The following HDGF variants were observed in gnomAD, a reference collection of about 807,000 sequenced individuals.
The protein encoded by HDGF is hepatoma-derived growth factor.
A neutral mutation model predicts 30.0 loss-of-function variants in HDGF; 5 were observed. The ratio of observed to expected loss-of-function variants is 0.17; its 90% CI spans 0.09 to 0.35. The LOEUF is 0.35. HDGF is among the 10% of genes least tolerant of loss of function. The pLI is 1.00. For missense variants in HDGF, 214 were observed against 302.8 expected, an observed-to-expected ratio of 0.71 and a Z score of 2.18; for synonymous variants, 133 against 112.7, an observed-to-expected ratio of 1.18 and a Z score of -1.14.
chr1:156,746,562 G>A lies in HDGF; in HGVS notation c.88-1189C>T, dbSNP rs368225548. 5.3e-4 allele frequency among the ~76,000 whole-genome samples: 81 copies of A among 152,324 alleles called. No individual in the cohort carries two copies. The East Asian group carries it at 0.01, about 20-fold the overall frequency. On this transcript the variant is annotated intron_variant, in intron 1 of 5. Transcript: ENST00000357325. ...CTCAGGTCACCTGACTAAATCCCCCGCCCCACGTGTCCCCGTGGTGAGAAG... is the reference window on the plus strand; with the variant it reads ...CTCAGGTCACCTGACTAAATCCCCCACCCCACGTGTCCCCGTGGTGAGAAG...
chr1:156,764,476 C>T (rs889221269), intron 1 of HDGF, among the ~76,000 whole-genome samples: 5 of 152,182 alleles, frequency 3.3e-5, no homozygotes, highest in Admixed American at 1.3e-4. Context: ...GGATTACAGG[C>T]GTGAGCCACT....
At chr1:156,743,943 TCTC>T in intron 4 of HDGF, 65 bp from the exon 5 acceptor site, 1 of 1,259,242 alleles carries the variant, frequency 7.9e-7, no homozygotes, top group Non-Finnish European at 1.2e-6. Flanking sequence ...CACCCACTCC[TCTC>T]CTCCGGGGCT....
chr1:156,766,506 C>T (rs938898769), intron 1 of HDGF, among the ~76,000 whole-genome samples: 1 of 152,032 alleles, frequency 6.6e-6, no homozygotes, highest in Admixed American at 6.6e-5. Context: ...AAATCACAAG[C>T]GGACAGGGAA....
chr1:156,744,482 C>A (rs773690748), intron 3 of HDGF, 134 bp from the exon 4 acceptor site: 2 of 1,562,654 alleles, frequency 1.3e-6, no homozygotes, highest in South Asian at 2.2e-5. Flanking sequence ...CCCAGTCTCA[C>A]GAGTGATTTG....
In HDGF at chr1:156,744,337, T is replaced by C. The variant is rs944165973; in HGVS notation, c.315A>G (p.Lys105=). 3 of 1,614,102 alleles carry C rather than the reference T, an allele frequency of 1.9e-6. No individual in the cohort carries two copies. Among genetic ancestry groups the C allele is most frequent in the South Asian group, 1.1e-5 (1 of 91,088 alleles). The change falls in exon 4 of 6, where the codon AAA becomes AAG. Residue 105 remains lysine, a synonymous_variant. Coordinates refer to ENST00000357325, the MANE Select transcript of HDGF (RefSeq NM_004494.3). ...VKASGYQSSQ[K]KSCVEEPEPE... ...GTTCAGGCTCTTCCACACAGCTCTT[T>C]TTCTGGGAGGACTGCAGCAGAGACA... is the stretch of plus-strand genomic sequence containing the variant.
upstream of HDGF, among the ~76,000 whole-genome samples, chr1:156,757,230 C>T: frequency 6.6e-6 from 1 of 151,590 alleles, no homozygotes; most frequent in East Asian, 1.9e-4. Flanking sequence ...CTTTGGGAGG[C>T]CGAGGTAGGC....
At chr1:156,757,476 T>C (rs1011198660) in intron 2 of HDGF, among the ~76,000 whole-genome samples, 15 of 124,868 alleles carry the variant, frequency 1.2e-4, no homozygotes, top group Admixed American at 5.0e-4. Context: ...AAAAAATATA[T>C]ATAAATAAAA....
chr1:156,745,248 T>C (rs779689914), intron 2 of HDGF, 49 bp downstream of exon 2: 33 of 1,608,026 alleles, frequency 2.1e-5, no homozygotes, highest in South Asian at 3.3e-5. Flanking sequence ...TTCCCCAGAG[T>C]AGTCCTCCCG....
rs948691578 is a variant in HDGF, at chr1:156,751,053, T to C, written c.87+290A>G. Among the ~76,000 whole-genome samples, 1 of 151,764 alleles carries C rather than the reference T, an allele frequency of 6.6e-6. No individual in the cohort carries two copies. The highest frequency in any genetic ancestry group is 1.5e-5 in the Non-Finnish European group (1 of 67,904). On this transcript the variant is annotated intron_variant, in intron 1 of 5. Coordinates refer to ENST00000357325, the MANE Select transcript of HDGF (RefSeq NM_004494.3). The surrounding 1 kb of genome is among the most constrained non-coding windows in gnomAD (Gnocchi z 4.7). ...GGAGTATGGGGGCTGGGGGCGGAACTGAGCACGCGGAGCTGGGGGCCGGGA... is the reference window on the plus strand; with the variant it reads ...GGAGTATGGGGGCTGGGGGCGGAACCGAGCACGCGGAGCTGGGGGCCGGGA...
upstream of HDGF, chr1:156,752,048 C>T (rs1651020884): frequency 1.3e-6 from 2 of 1,551,446 alleles, no homozygotes; most frequent in South Asian, 1.2e-5. Context: ...CACCGCGGCC[C>T]CAGCGCAGTT....
upstream of HDGF, chr1:156,751,929 G>A (rs1651011582): frequency 1.7e-5 from 18 of 1,088,734 alleles, no homozygotes; most frequent in Non-Finnish European, 2.3e-5. The surrounding 1 kb of genome is among the most constrained non-coding windows in gnomAD (Gnocchi z 4.7). Flanking sequence ...AGCACGCCGA[G>A]CAGGCTTTGT....
In HDGF at chr1:156,743,205, C is replaced by G. The variant is rs1223694313; in HGVS notation, c.*244G>C. On this transcript the variant is annotated 3_prime_UTR_variant, in exon 6 of 6. Coordinates refer to ENST00000357325, the MANE Select transcript of HDGF (RefSeq NM_004494.3). ...GGAACACAGTGGCCTCAACTCATTC[C>G]AGGGAGAAGACATGGCTCTGACTCA... 2.3e-6 allele frequency: 1 copy of G among 441,398 alleles called. No homozygotes were observed. Among genetic ancestry groups the G allele is most frequent in the Non-Finnish European group, 4.0e-6 (1 of 248,422 alleles). 27.3% of individuals were successfully genotyped at this position (441,398 alleles called of 1,614,324 possible).
chr1:156,745,265 T>C (rs370471492), intron 2 of HDGF, 32 bp downstream of exon 2: 47 of 1,610,378 alleles, frequency 2.9e-5, no homozygotes, highest in Admixed American at 3.3e-5. Context: ...CCCGGGGCCC[T>C]CCCGACCTAT....
rs1650254734 is a variant in HDGF at position 156,743,221 on chromosome 1, C to T, written c.*228G>A. On this transcript the variant is annotated 3_prime_UTR_variant, in exon 6 of 6. Coordinates refer to ENST00000357325, the MANE Select transcript of HDGF (RefSeq NM_004494.3). Reference sequence around the variant, plus strand: ...AACTCATTCCAGGGAGAAGACATGGCTCTGACTCAGATCATAGGAGTATGG... The same window carrying T: ...AACTCATTCCAGGGAGAAGACATGGTTCTGACTCAGATCATAGGAGTATGG... 4.3e-6 allele frequency: 2 copies of T among 463,274 alleles called. No individual in the cohort carries two copies. Among genetic ancestry groups the T allele is most frequent in the Admixed American group, 7.6e-5 (2 of 26,184 alleles). The allele number at this position is 463,274 out of a possible 1,614,324, so 28.7% of individuals were successfully genotyped here.
At chr1:156,757,415 G>C (rs184014903), upstream of HDGF, among the ~76,000 whole-genome samples, 1 of 151,764 alleles carries the variant, frequency 6.6e-6, no homozygotes, top group Non-Finnish European at 1.5e-5. Flanking sequence ...GCAGTGAGCC[G>C]AGATCACGCC....
upstream of HDGF, chr1:156,751,702 G>C (rs1211525243): frequency 5.9e-6 from 7 of 1,192,566 alleles, no homozygotes; most frequent in Middle Eastern, 1.0e-3. The surrounding 1 kb of genome is among the most constrained non-coding windows in gnomAD (Gnocchi z 4.7). Flanking sequence ...TCCTCTGCGC[G>C]AGGCCTCTTC....
intron 1 of HDGF, among the ~76,000 whole-genome samples, chr1:156,762,880 A>C (rs1352934301): frequency 6.6e-6 from 1 of 152,058 alleles, no homozygotes; most frequent in Non-Finnish European, 1.5e-5. Flanking sequence ...CTCAAAAAAA[A>C]AAAACCAAAA....
chr1:156,749,180 A>C (rs995370701), intron 1 of HDGF, among the ~76,000 whole-genome samples: 4 of 152,208 alleles, frequency 2.6e-5, no homozygotes, highest in African/African-American at 9.6e-5. Context: ...AGTTTCACCC[A>C]GAATCACCCA....
In HDGF at chr1:156,743,357, G is replaced by A; in HGVS notation, c.*92C>T. 1 of 1,317,116 alleles carries A rather than the reference G, an allele frequency of 7.6e-7. No homozygotes were observed. The highest frequency in any genetic ancestry group is 1.4e-5 in the South Asian group (1 of 69,946). 81.6% of individuals were successfully genotyped at this position (1,317,116 alleles called of 1,614,324 possible). On this transcript the variant is annotated 3_prime_UTR_variant, in exon 6 of 6. Transcript: ENST00000357325. ...AGGAGAGCAGGTTGGGGTGGGAAAG[G>A]GGTTCCCAGTTTGCAGGCCATGGCC...
Sources: gnomAD v4.1 joint callset for allele counts (sites outside exome capture counted in the v4.1 genomes callset) on GRCh38, gnomAD v4.1.1 for gene constraint, Gnocchi (gnomAD v3.1) non-coding constraint, MANE v1.5 for transcripts, NCBI Gene and HGNC (gene_info 2026-07-23, HGNC 2026-07-21) for gene names.